Variants in JMJD1C observed in about 807,000 individuals in gnomAD.
JMJD1C encodes the protein jumonji domain-containing protein 1C.
In JMJD1C, 31 loss-of-function variants were observed where a neutral mutation model predicts 245.3. The observed-to-expected ratio is 0.13, with a 90% CI of 0.09 to 0.17. JMJD1C has a LOEUF of 0.17. JMJD1C is among the 10% of genes least tolerant of loss of function. The pLI is 1.00. For synonymous variants in JMJD1C, 1,057 were observed against 1,017.4 expected (o/e 1.04, Z -0.74); for missense variants, 2,691 against 3,000.2 (o/e 0.90, Z 2.41).
In JMJD1C at chr10:63,436,552, G is replaced by A. The variant is rs553238396; in HGVS notation, c.168+28943C>T. On this transcript the variant is annotated intron_variant, in intron 1 of 25. Coordinates refer to ENST00000399262, the MANE Select transcript of JMJD1C (RefSeq NM_032776.3). ...AACCAGTCATCCACCACACTCATGC[G>A]TACCCTAAAATGTTATTCATCATGC... is the stretch of plus-strand genomic sequence containing the variant. Among the ~76,000 whole-genome samples, 5 of 152,202 alleles carry A rather than the reference G, an allele frequency of 3.3e-5. No homozygotes were observed. In the South Asian group the frequency reaches 6.2e-4, roughly 19 times the overall value.
rs142182203 is a variant in JMJD1C at position 63,173,615 on chromosome 10, A to G, written c.7401+2682T>C. 6.8e-4 allele frequency among the ~76,000 whole-genome samples: 104 copies of G among 152,248 alleles called. No individual in the cohort carries two copies. In the East Asian group the frequency reaches 0.012, roughly 18 times the overall value. Reference sequence around the variant, plus strand: ...TGTCCATCTACAGTACTAGCTACTCAGGAGGGTGTGGTGGGGGGATCACTT... The same window carrying G: ...TGTCCATCTACAGTACTAGCTACTCGGGAGGGTGTGGTGGGGGGATCACTT... On this transcript the variant is annotated intron_variant, in intron 24 of 25. Transcript: ENST00000399262.
intron 2 of JMJD1C, among the ~76,000 whole-genome samples, chr10:63,307,838 C>T (rs958497240): frequency 6.6e-6 from 1 of 152,074 alleles, no homozygotes; most frequent in Admixed American, 6.6e-5. Flanking sequence ...TGTGCTTCAT[C>T]ATCATATCCA....
chr10:63,226,542 A>G (rs892912626), intron 3 of JMJD1C, among the ~76,000 whole-genome samples: 3 of 151,596 alleles, frequency 2.0e-5, no homozygotes, highest in Admixed American at 2.0e-4. Context: ...GCGAGATGCC[A>G]TTGCTACAAA....
At position 63,195,353 on chromosome 10, in the gene JMJD1C, C is replaced by CAA. The variant is rs56809186; in HGVS notation, c.5645-980_5645-979dup. On this transcript the variant is annotated intron_variant, in intron 13 of 25. Transcript: ENST00000399262. ...TGGGTGATAGAGCAAGACACCATCT[C>CAA]AAAAAAAAAAAAAAAAATCTAGAAC... is the stretch of plus-strand genomic sequence containing the variant. Among the ~76,000 whole-genome samples, 350 of 109,652 alleles carry CAA rather than the reference C, an allele frequency of 3.2e-3. 3 individuals carry two copies. In the East Asian group the frequency reaches 0.037, roughly 12 times the overall value. The allele number at this position is 109,652 out of a possible 152,430, so 71.9% of individuals were successfully genotyped here.
At chr10:63,430,988 G>A (rs1377458173) in intron 1 of JMJD1C, among the ~76,000 whole-genome samples, 4 of 152,136 alleles carry the variant, frequency 2.6e-5, no homozygotes, top group African/African-American at 9.7e-5. Context: ...TTCCCAAAGT[G>A]TTAGGAGTAT....
intron 3 of JMJD1C, among the ~76,000 whole-genome samples, chr10:63,221,870 T>C (rs978384587): frequency 1.3e-5 from 2 of 152,148 alleles, no homozygotes; most frequent in Non-Finnish European, 2.9e-5. Context: ...TACAGGAGCA[T>C]GCCATCATGC....
upstream of JMJD1C, chr10:63,466,683 C>G (rs1385726305): frequency 6.6e-6 from 1 of 152,138 alleles, no homozygotes; most frequent in Non-Finnish European, 1.5e-5. Context: ...GTACACAGCT[C>G]AAACACACTG....
chr10:63,225,208 T>C (rs757056860), intron 3 of JMJD1C, among the ~76,000 whole-genome samples: 37 of 152,188 alleles, frequency 2.4e-4, no homozygotes, highest in South Asian at 6.2e-4. Context: ...CCTAAGCTAA[T>C]TGAAGAGACA....
chr10:63,207,783 C>T lies in JMJD1C; in HGVS notation c.3886G>A (p.Gly1296Arg), dbSNP rs564408589. The change falls in exon 10 of 26, where the codon GGA becomes AGA. Residue 1296 changes from glycine to arginine, a missense_variant. Physicochemically the swap from Gly to Arg is moderately radical, Grantham distance 125. Around this residue, in one of 9 missense-constraint regions of JMJD1C, gnomAD observed 1,562 missense variants for 1,490.7 expected, o/e 1.05. Coordinates refer to ENST00000399262, the MANE Select transcript of JMJD1C (RefSeq NM_032776.3). ...KTEWHVEKSS[G>R]KLQAAMASVI... ...GATGCCATAGCAGCCTGTAACTTTCCGCTGCTTTTCTCCACATGCCATTCA... is the reference window on the plus strand; with the variant it reads ...GATGCCATAGCAGCCTGTAACTTTCTGCTGCTTTTCTCCACATGCCATTCA... The T allele has an allele frequency of 6.8e-6, 11 of 1,614,156 alleles. No individual in the cohort carries two copies. The highest frequency in any genetic ancestry group is 5.0e-5 in the Admixed American group (3 of 60,014).
intron 2 of JMJD1C, among the ~76,000 whole-genome samples, chr10:63,367,629 G>A (rs1424479794): frequency 6.6e-6 from 1 of 152,202 alleles, no homozygotes; most frequent in Non-Finnish European, 1.5e-5. Context: ...CTAAGCCAAT[G>A]CTTAGATAAG....
rs534389792 is a variant in JMJD1C, at chr10:63,345,136, C to T, written c.333+35182G>A. Among the ~76,000 whole-genome samples, 13 of 152,238 alleles carry T rather than the reference C, an allele frequency of 8.5e-5. No homozygotes were observed. The South Asian group carries it at 2.7e-3, about 32-fold the overall frequency. ...CAAAAGTAGAATGGGTATCTGTTAG[C>T]GGGTGAATGGATAATCTAACTGTGG... On this transcript the variant is annotated intron_variant, in intron 2 of 25. Transcript: ENST00000399262.
Position 63,302,048 on chromosome 10 carries a change from G to A in JMJD1C, c.334-37284C>T, listed in dbSNP as rs926812588. 3.3e-5 allele frequency among the ~76,000 whole-genome samples: 5 copies of A among 152,132 alleles called. No homozygotes were observed. The East Asian group carries it at 7.7e-4, about 24-fold the overall frequency. On this transcript the variant is annotated intron_variant, in intron 2 of 25. Transcript: ENST00000399262. ...TTTTTTTCCCTTGAGACAAGGTCTC[G>A]CTCTGTTGCCCAGGCTGGAGTGCAG...
At chr10:63,399,535 T>G (rs1169906389) in intron 1 of JMJD1C, among the ~76,000 whole-genome samples, 1 of 152,168 alleles carries the variant, frequency 6.6e-6, no homozygotes, top group Non-Finnish European at 1.5e-5. Context: ...TCTCTTATAC[T>G]GAAAATCTTG....
intron 2 of JMJD1C, among the ~76,000 whole-genome samples, chr10:63,376,898 T>C (rs899630981): frequency 6.6e-6 from 1 of 152,220 alleles, no homozygotes; most frequent in Non-Finnish European, 1.5e-5. Context: ...AATTACCATC[T>C]GATCCAGCAA....
chr10:63,495,151 C>T (rs955253837), intron 1 of JMJD1C, among the ~76,000 whole-genome samples: 2 of 151,546 alleles, frequency 1.3e-5, no homozygotes, highest in African/African-American at 2.4e-5. Flanking sequence ...ATGAATGCCT[C>T]GGGCACAAAG....
intron 2 of JMJD1C, among the ~76,000 whole-genome samples, chr10:63,301,465 T>C (rs1208897223): frequency 6.6e-6 from 1 of 152,250 alleles, no homozygotes; most frequent in East Asian, 1.9e-4. Context: ...TCCAGAGATA[T>C]GGTATGCATA....
chr10:63,190,460 C>T (rs1000715768), intron 17 of JMJD1C, among the ~76,000 whole-genome samples: 1 of 152,156 alleles, frequency 6.6e-6, no homozygotes, highest in African/African-American at 2.4e-5. Flanking sequence ...CCTCAGTCTC[C>T]GAAAGTGCTG....
intron 2 of JMJD1C, among the ~76,000 whole-genome samples, chr10:63,321,694 C>T (rs963829045): frequency 3.3e-5 from 5 of 152,206 alleles, no homozygotes; most frequent in Admixed American, 2.6e-4. Flanking sequence ...AGGAAAGGGC[C>T]TCTGCACTAT....
chr10:63,201,678 C>A (rs1381991411), intron 10 of JMJD1C, among the ~76,000 whole-genome samples: 1 of 152,022 alleles, frequency 6.6e-6, no homozygotes, highest in African/African-American at 2.4e-5. Flanking sequence ...GCCTGTAATC[C>A]CAGTACTTTG....
Sources: gnomAD v4.1 joint callset for allele counts (sites outside exome capture counted in the v4.1 genomes callset) on GRCh38, gnomAD v4.1.1 for gene constraint, gnomAD v4.1.1 regional missense constraint, MANE v1.5 for transcripts, NCBI Gene and HGNC (gene_info 2026-07-23, HGNC 2026-07-21) for gene names.